Variants in CNR2 observed in about 807,000 individuals in gnomAD.
The protein encoded by CNR2 is cannabinoid receptor 2, also known as cannabinoid receptor 2 (macrophage).
For synonymous variants in CNR2, 172 were observed against 182.2 expected (o/e 0.94, Z 0.45); for missense variants, 379 against 439.9 (o/e 0.86, Z 1.24).
intron 1 of CNR2, among the ~76,000 whole-genome samples, chr1:23,894,304 C>T (rs1398818700): frequency 2.6e-5 from 4 of 151,820 alleles, no homozygotes; most frequent in Non-Finnish European, 5.9e-5. Context: ...GCCTGTAATC[C>T]TAACTACTCG....
intron 1 of CNR2, chr1:23,902,519 G>C: frequency 3.7e-6 from 6 of 1,608,608 alleles, no homozygotes; most frequent in Non-Finnish European, 5.1e-6. Context: ...ACTTTAATAG[G>C]ATCAGAAAGG....
rs59486435 is a variant in CNR2, at chr1:23,870,537, A to G, written c.*3998T>C. 1 of 152,260 alleles carries G rather than the reference A, an allele frequency of 6.6e-6. No individual in the cohort carries two copies. The highest frequency in any genetic ancestry group is 1.5e-5 in the Non-Finnish European group (1 of 68,056). The allele number at this position is 152,260 out of a possible 1,614,324, so 9.4% of individuals were successfully genotyped here. A position where few individuals can be genotyped will look rare whatever the true frequency, so the allele number is the denominator to read the frequency against. Reference sequence around the variant, plus strand: ...ACATTTTCTAGTAATCGGTTTGCATAGTGGTCTTTAATGTTACAGAGCTTG... The same window carrying G: ...ACATTTTCTAGTAATCGGTTTGCATGGTGGTCTTTAATGTTACAGAGCTTG... On this transcript the variant is annotated 3_prime_UTR_variant, in exon 2 of 2. Coordinates refer to ENST00000374472, the MANE Select transcript of CNR2 (RefSeq NM_001841.3).
At chr1:23,896,315 TTCTCAAGTAAAGACACTCACTTCATTCA>T (rs1448675291) in intron 1 of CNR2, among the ~76,000 whole-genome samples, 4 of 152,228 alleles carry the variant, frequency 2.6e-5, no homozygotes, top group Non-Finnish European at 5.9e-5. Flanking sequence ...TAGCTTTTTG[TTCTCAAGTAAAGACACTCACTTCATTCA>T]TCTCTTTCAT....
At chr1:23,899,513 A>G (rs1640345074) in intron 1 of CNR2, among the ~76,000 whole-genome samples, 1 of 151,798 alleles carries the variant, frequency 6.6e-6, no homozygotes, top group African/African-American at 2.4e-5. Flanking sequence ...ATTAGGCACA[A>G]GATTAGAAAT....
At position 23,871,807 on chromosome 1, in the gene CNR2, G is replaced by C. The variant is rs1167288969; in HGVS notation, c.*2728C>G. The C allele has an allele frequency of 6.6e-6, 1 of 152,038 alleles. No homozygotes were observed. Among genetic ancestry groups the C allele is most frequent in the African/African-American group, 2.4e-5 (1 of 41,382 alleles). The allele number at this position is 152,038 out of a possible 1,614,324, so 9.4% of individuals were successfully genotyped here. A position where few individuals can be genotyped will look rare whatever the true frequency, so the allele number is the denominator to read the frequency against. On this transcript the variant is annotated 3_prime_UTR_variant, in exon 2 of 2. Transcript: ENST00000374472. ...ATGAAGTCATACTATTAGGATTAGG[G>C]TGGGCCCAAATCCAGTGACTGATAT... is the stretch of plus-strand genomic sequence containing the variant.
chr1:23,887,024 G>C (rs1479732196), intron 1 of CNR2, among the ~76,000 whole-genome samples: 1 of 152,186 alleles, frequency 6.6e-6, no homozygotes, highest in African/African-American at 2.4e-5. Flanking sequence ...TCCTGCCTCA[G>C]CCTCCCAAGT....
intron 1 of CNR2, among the ~76,000 whole-genome samples, chr1:23,901,127 C>G (rs1640391135): frequency 6.6e-6 from 1 of 152,044 alleles, no homozygotes; most frequent in South Asian, 2.1e-4. Context: ...GGAAGGTCTA[C>G]AGTTAAGCTT....
intron 1 of CNR2, among the ~76,000 whole-genome samples, chr1:23,909,399 C>T (rs1335140817): frequency 6.6e-6 from 1 of 152,144 alleles, no homozygotes; most frequent in East Asian, 1.9e-4. Context: ...TAGCTGGGGA[C>T]CGAGAGCCTT....
Position 23,874,682 on chromosome 1 carries a change from G to A in CNR2, c.936C>T (p.His312=). 6.2e-7 allele frequency: 1 copy of A among 1,614,214 alleles called. No individual in the cohort carries two copies. The highest frequency in any genetic ancestry group is 1.7e-5 in the Admixed American group (1 of 60,024). The part of the protein sequence containing the change: ...RSGEIRSSAH[H]CLAHWKKCVR... ...CACACTTCTTCCAGTGAGCCAGGCA[G>A]TGATGGGCAGAGGAGCGGATCTCTC... The change falls in exon 2 of 2, where the codon CAC becomes CAT. Residue 312 remains histidine, a synonymous_variant. Coordinates refer to ENST00000374472, the MANE Select transcript of CNR2 (RefSeq NM_001841.3).
At chr1:23,891,210 T>A (rs553306279) in intron 1 of CNR2, among the ~76,000 whole-genome samples, 2 of 152,116 alleles carry the variant, frequency 1.3e-5, no homozygotes, top group African/African-American at 2.4e-5. Context: ...AGCCCTTGAT[T>A]GCAGTTGTAA....
At chr1:23,892,019 G>C (rs1360953219) in intron 1 of CNR2, among the ~76,000 whole-genome samples, 1 of 152,136 alleles carries the variant, frequency 6.6e-6, no homozygotes, top group South Asian at 2.1e-4. Flanking sequence ...TCAATCCCAA[G>C]CCCATGACAG....
chr1:23,896,798 G>A (rs371983784), intron 1 of CNR2, among the ~76,000 whole-genome samples: 2 of 152,018 alleles, frequency 1.3e-5, no homozygotes, highest in Admixed American at 6.6e-5. Context: ...AAGGATGCTG[G>A]TTCCAGTCCC....
At chr1:23,902,423 C>G in intron 1 of CNR2, 1 of 1,589,030 alleles carries the variant, frequency 6.3e-7, no homozygotes, top group Non-Finnish European at 8.6e-7. Flanking sequence ...AGGCTTTTGC[C>G]AATGCTGGGA....
chr1:23,884,057 C>T (rs1640040704), intron 1 of CNR2, among the ~76,000 whole-genome samples: 1 of 146,700 alleles, frequency 6.8e-6, no homozygotes, highest in African/African-American at 2.5e-5. Context: ...CTGTGCCTCT[C>T]TATAGACATC....
chr1:23,912,362 G>A (rs1303366913), intron 1 of CNR2, among the ~76,000 whole-genome samples: 1 of 152,178 alleles, frequency 6.6e-6, no homozygotes, highest in Non-Finnish European at 1.5e-5. Context: ...TAAAATGAGA[G>A]CGCAGGACTC....
chr1:23,907,448 T>C (rs1640516237), intron 1 of CNR2, among the ~76,000 whole-genome samples: 1 of 151,038 alleles, frequency 6.6e-6, no homozygotes, highest in South Asian at 2.1e-4. Context: ...AGAAGAATCT[T>C]GAAGCAAATC....
At position 23,871,221 on chromosome 1, in the gene CNR2, T is replaced by C. The variant is rs932351530; in HGVS notation, c.*3314A>G. ...GTTCTAAAAGAAGAGAAGTAGAAAGTGTGGAGTTGCGTTTGATCAAATGAT... is the reference window on the plus strand; with the variant it reads ...GTTCTAAAAGAAGAGAAGTAGAAAGCGTGGAGTTGCGTTTGATCAAATGAT... On this transcript the variant is annotated 3_prime_UTR_variant, in exon 2 of 2. Coordinates refer to ENST00000374472, the MANE Select transcript of CNR2 (RefSeq NM_001841.3). The C allele has an allele frequency of 1.4e-5, 2 of 144,338 alleles. No individual in the cohort carries two copies. The highest frequency in any genetic ancestry group is 3.0e-5 in the Non-Finnish European group (2 of 66,594). 8.9% of individuals were successfully genotyped at this position (144,338 alleles called of 1,614,324 possible).
intron 1 of CNR2, among the ~76,000 whole-genome samples, chr1:23,912,601 G>A (rs576959475): frequency 2.0e-5 from 3 of 152,032 alleles, no homozygotes; most frequent in East Asian, 3.9e-4. Flanking sequence ...TACTGCATAC[G>A]GCTGTTGTGA....
At chr1:23,876,935 C>T (rs2501434) in intron 1 of CNR2, among the ~76,000 whole-genome samples, 95,881 of 151,374 alleles carry the variant, frequency 0.63, 30,727 homozygotes, top group African/African-American at 0.75. Context: ...AGATATTGTA[C>T]GGTTTATTAT....
Sources: gnomAD v4.1 joint callset for allele counts (sites outside exome capture counted in the v4.1 genomes callset) on GRCh38, gnomAD v4.1.1 for gene constraint, MANE v1.5 for transcripts, NCBI Gene and HGNC (gene_info 2026-07-23, HGNC 2026-07-21) for gene names.